The following THSD7B variants were observed in gnomAD, a reference collection of about 807,000 sequenced individuals.
The protein encoded by THSD7B is thrombospondin type-1 domain-containing protein 7B.
THSD7B carries 138 observed loss-of-function variants against 213.6 expected under a neutral mutation model. The observed-to-expected ratio is 0.65, with a 90% confidence interval of 0.56 to 0.74. The LOEUF (loss-of-function observed/expected upper bound fraction) is 0.74, where lower values mean the gene tolerates loss of function less well. Among genes scored for constraint, THSD7B ranks in the 30% least tolerant of loss-of-function variants. The pLI is 0.00. For synonymous variants in THSD7B, 742 were observed against 687.0 expected (o/e 1.08, Z -1.25); for missense variants, 1,931 against 1,991.5 (o/e 0.97, Z 0.58).
chr2:137,390,605 T>G (rs1444939056), intron 12 of THSD7B, among the ~76,000 whole-genome samples: 1 of 152,208 alleles, frequency 6.6e-6, no homozygotes, highest in Non-Finnish European at 1.5e-5. Context: ...ATCCTTGTCT[T>G]GTTCTAGTTC....
At chr2:136,990,814 A>G (rs1323564391) in intron 2 of THSD7B, 1 of 1,159,396 alleles carries the variant, frequency 8.6e-7, no homozygotes, top group African/African-American at 1.6e-5. Flanking sequence ...TGCCTGGCCG[A>G]TGGTGTTTCT....
chr2:136,985,424 G>GGT (rs950355426), intron 2 of THSD7B, among the ~76,000 whole-genome samples: 4 of 152,180 alleles, frequency 2.6e-5, no homozygotes, highest in African/African-American at 9.7e-5. Flanking sequence ...ACAGCTGAAA[G>GGT]GGCCCCAGAT....
chr2:137,662,136 C>T (rs186261521), intron 25 of THSD7B, among the ~76,000 whole-genome samples: 42 of 147,338 alleles, frequency 2.9e-4, no homozygotes, highest in Admixed American at 6.8e-4. Context: ...GATCTTGGCT[C>T]ACTGCAACCA....
intron 12 of THSD7B, among the ~76,000 whole-genome samples, chr2:137,317,086 T>C (rs1460431313): frequency 6.6e-6 from 1 of 152,212 alleles, no homozygotes; most frequent in African/African-American, 2.4e-5. Flanking sequence ...TGAAATATAG[T>C]TGACAGTTTT....
At chr2:137,350,857 A>G (rs1684997225) in intron 12 of THSD7B, among the ~76,000 whole-genome samples, 1 of 151,920 alleles carries the variant, frequency 6.6e-6, no homozygotes, top group African/African-American at 2.4e-5. Flanking sequence ...CGAAACCAGG[A>G]CAACACCCAG....
intron 15 of THSD7B, among the ~76,000 whole-genome samples, chr2:137,517,111 G>A (rs1219085382): frequency 2.0e-5 from 3 of 152,216 alleles, no homozygotes; most frequent in African/African-American, 2.4e-5. Context: ...TGGCAAATAC[G>A]TTTTTCTCTA....
intron 20 of THSD7B, 49 bp from the exon 21 acceptor site, chr2:137,642,439 T>C: frequency 6.2e-7 from 1 of 1,606,396 alleles, no homozygotes; most frequent in Non-Finnish European, 8.5e-7. Flanking sequence ...TTCAGGTCCC[T>C]TTCCAAGCCA....
intron 2 of THSD7B, among the ~76,000 whole-genome samples, chr2:136,939,250 C>G (rs10197042): frequency 0.026 from 3,985 of 152,170 alleles, 177 homozygotes; most frequent in African/African-American, 0.09. Flanking sequence ...TTCAAAGCAC[C>G]ATTGCGCTCC....
intron 7 of THSD7B, among the ~76,000 whole-genome samples, chr2:137,216,529 A>C (rs1172429202): frequency 6.6e-6 from 1 of 151,950 alleles, no homozygotes; most frequent in Non-Finnish European, 1.5e-5. Flanking sequence ...CATGTTGCTG[A>C]AATTATAGGG....
intron 17 of THSD7B, among the ~76,000 whole-genome samples, chr2:137,574,734 C>A (rs116377928): frequency 6.6e-6 from 1 of 152,166 alleles, no homozygotes; most frequent in African/African-American, 2.4e-5. Flanking sequence ...AGGTATATTG[C>A]ATAACTTTAG....
intron 16 of THSD7B, among the ~76,000 whole-genome samples, chr2:137,569,138 G>T (rs1470799923): frequency 6.6e-6 from 1 of 152,216 alleles, no homozygotes; most frequent in East Asian, 1.9e-4. Flanking sequence ...CTCCGGAGAT[G>T]GAGAAAGGGG....
rs370026073 is a variant in THSD7B, at chr2:137,308,074, A to G, written c.2500+32048A>G. Among the ~76,000 whole-genome samples the G allele has an allele frequency of 3.1e-4, 47 of 152,156 alleles. 3 individuals carry two copies. The South Asian group carries it at 9.7e-3, about 31-fold the overall frequency. ...ACATCTGTGTGTGATACACTATGGA[A>G]GAGAGAATGGAGGCTTCCCCACGAT... On this transcript the variant is annotated intron_variant, in intron 12 of 27. Transcript: ENST00000409968.
At chr2:136,830,101 A>G (rs1360776915) in intron 1 of THSD7B, among the ~76,000 whole-genome samples, 1 of 150,976 alleles carries the variant, frequency 6.6e-6, no homozygotes, top group African/African-American at 2.4e-5. Flanking sequence ...ACCAGATGTC[A>G]TTTTCTTTGT....
chr2:137,308,510 C>T (rs1683811380), intron 12 of THSD7B, among the ~76,000 whole-genome samples: 2 of 151,990 alleles, frequency 1.3e-5, no homozygotes, highest in African/African-American at 4.8e-5. Context: ...GTAGATATAT[C>T]ATATTCCTAA....
chr2:137,028,773 G>A (rs980874334), intron 2 of THSD7B, among the ~76,000 whole-genome samples: 2 of 152,152 alleles, frequency 1.3e-5, no homozygotes, highest in African/African-American at 4.8e-5. Flanking sequence ...AGAGGCAATC[G>A]TTTCTAAGCT....
Position 137,303,706 on chromosome 2 carries a change from A to ATATATATTTATATATATATTTT in THSD7B, c.2500+27687_2500+27688insTTATATATATATTTTTATATAT, listed in dbSNP as rs1553437349. Among the ~76,000 whole-genome samples, 491 of 122,122 alleles carry ATATATATTTATATATATATTTT rather than the reference A, an allele frequency of 4.0e-3. 34 individuals are homozygous for ATATATATTTATATATATATTTT. Among genetic ancestry groups the ATATATATTTATATATATATTTT allele is most frequent in the African/African-American group, 0.015 (465 of 31,862 alleles). 80.1% of individuals were successfully genotyped at this position (122,122 alleles called of 152,430 possible). On this transcript the variant is annotated intron_variant, in intron 12 of 27. Transcript: ENST00000409968. ...TATTTATATATATTTATATATATTTATATATATATTTATATATATATTTAT... is the reference window on the plus strand; with the variant it reads ...TATTTATATATATTTATATATATTTATATATATTTATATATATATTTTTATATATATTTATATATATATTTAT...
chr2:136,863,196 A>G (rs1683281033), intron 1 of THSD7B, among the ~76,000 whole-genome samples: 2 of 152,198 alleles, frequency 1.3e-5, no homozygotes, highest in African/African-American at 4.8e-5. Context: ...TACTCATTGT[A>G]TGCCCAGCCA....
chr2:137,606,934 A>G (rs1682192196), intron 17 of THSD7B, among the ~76,000 whole-genome samples: 1 of 152,112 alleles, frequency 6.6e-6, no homozygotes, highest in Non-Finnish European at 1.5e-5. Flanking sequence ...GCATATAGAT[A>G]AATATGAATA....
At chr2:137,040,197 G>A (rs1298242726) in intron 2 of THSD7B, among the ~76,000 whole-genome samples, 3 of 152,144 alleles carry the variant, frequency 2.0e-5, no homozygotes, top group Non-Finnish European at 4.4e-5. Context: ...TTTGATGAGA[G>A]CTACAAGGGC....
Sources: allele counts gnomAD v4.1 joint callset (sites outside exome capture counted in the v4.1 genomes callset), GRCh38; gene constraint gnomAD v4.1.1; transcripts MANE v1.5; gene names NCBI Gene and HGNC (gene_info 2026-07-23, HGNC 2026-07-21).